HDAC9: variants seen among roughly 807,000 people sequenced by gnomAD.
HDAC9 encodes MEF-2 interacting transcription repressor (MITR) protein.
Under a neutral mutation model 139.4 loss-of-function variants are expected in HDAC9, and 41 were observed. That is an observed-to-expected ratio of 0.29 (90% CI 0.23 to 0.38). The LOEUF is 0.38. Among genes scored for constraint, HDAC9 ranks in the 10% least tolerant of loss-of-function variants. The pLI is 1.00. For missense variants in HDAC9, 1,147 were observed against 1,297.0 expected (o/e 0.88, Z 1.78); for synonymous variants, 517 against 476.2 (o/e 1.09, Z -1.12).
intron 17 of HDAC9, among the ~76,000 whole-genome samples, chr7:18,813,271 T>A (rs931918247): frequency 1.3e-5 from 2 of 152,080 alleles, no homozygotes; most frequent in African/African-American, 2.4e-5. Flanking sequence ...TTCTTTGGAG[T>A]TTAATTCTTT....
At chr7:18,330,583 T>C (rs1800842818) in intron 1 of HDAC9, among the ~76,000 whole-genome samples, 1 of 151,504 alleles carries the variant, frequency 6.6e-6, no homozygotes, top group African/African-American at 2.4e-5. Context: ...ATTTTATATT[T>C]CTATACCTCA....
At chr7:18,260,297 A>G (rs1795565260) in intron 2 of HDAC9, among the ~76,000 whole-genome samples, 1 of 147,058 alleles carries the variant, frequency 6.8e-6, no homozygotes, top group African/African-American at 2.5e-5. Flanking sequence ...ATTCTGTGAC[A>G]GACACTTTTT....
At chr7:18,475,530 G>C (rs544083961) in intron 1 of HDAC9, among the ~76,000 whole-genome samples, 16 of 152,288 alleles carry the variant, frequency 1.1e-4, no homozygotes, top group African/African-American at 3.6e-4. Flanking sequence ...GGCAAAGGTG[G>C]CAATTGGACA....
chr7:18,628,246 G>T (rs1297700408), intron 6 of HDAC9, among the ~76,000 whole-genome samples: 1 of 152,096 alleles, frequency 6.6e-6, no homozygotes, highest in Non-Finnish European at 1.5e-5. Flanking sequence ...GACTACCTGG[G>T]TACAGAGCCT....
In HDAC9 at chr7:18,736,411, A is replaced by T. The variant is rs1044561207; in HGVS notation, c.1909+8654A>T. Among the ~76,000 whole-genome samples the T allele has an allele frequency of 9.2e-5, 14 of 152,196 alleles. No individual in the cohort carries two copies. The East Asian group carries it at 2.5e-3, about 27-fold the overall frequency. The stretch of plus-strand genomic sequence containing the variant: ...CTTATTATTTTGAGATACATTCCAT[A>T]AATACCTGATTTATTGAGAGTTTTT... On this transcript the variant is annotated intron_variant, in intron 13 of 25. Transcript: ENST00000686413.
intron 1 of HDAC9, among the ~76,000 whole-genome samples, chr7:18,333,178 G>C (rs1269888813): frequency 6.6e-6 from 1 of 151,408 alleles, no homozygotes; most frequent in East Asian, 1.9e-4. Flanking sequence ...CTGAGTCAGA[G>C]GCAGTTTTTA....
intron 21 of HDAC9, among the ~76,000 whole-genome samples, chr7:18,838,967 C>T (rs555003587): frequency 6.6e-6 from 1 of 152,004 alleles, no homozygotes; most frequent in African/African-American, 2.4e-5. Flanking sequence ...CCAAAGATTT[C>T]ACATTTACTG....
At chr7:18,414,261 A>C (rs1370135984) in intron 1 of HDAC9, among the ~76,000 whole-genome samples, 1 of 152,268 alleles carries the variant, frequency 6.6e-6, no homozygotes, top group South Asian at 2.1e-4. Context: ...TGTATTTTGC[A>C]AAGATGTCAC....
chr7:18,329,414 G>A (rs901511013), intron 1 of HDAC9, among the ~76,000 whole-genome samples: 2 of 151,576 alleles, frequency 1.3e-5, no homozygotes, highest in African/African-American at 4.8e-5. Flanking sequence ...ATAACATATT[G>A]TACTCCATAA....
intron 25 of HDAC9, among the ~76,000 whole-genome samples, chr7:18,991,497 T>G (rs1227138028): frequency 6.6e-6 from 1 of 152,176 alleles, no homozygotes. Context: ...ATTAGCCAGG[T>G]GTGGTGGCAG....
At chr7:18,915,559 AAGAATGAC>A (rs1330069530) in intron 22 of HDAC9, among the ~76,000 whole-genome samples, 1 of 151,978 alleles carries the variant, frequency 6.6e-6, no homozygotes, top group Non-Finnish European at 1.5e-5. Context: ...GAACAAATGA[AAGAATGAC>A]AGTTTGCAAA....
At chr7:18,808,836 G>A (rs998442716) in intron 17 of HDAC9, among the ~76,000 whole-genome samples, 2 of 151,292 alleles carry the variant, frequency 1.3e-5, no homozygotes, top group African/African-American at 4.8e-5. Context: ...CCAAAGTAAT[G>A]TTAAACAAAA....
chr7:18,246,519 C>T (rs1794542198), intron 2 of HDAC9, among the ~76,000 whole-genome samples: 1 of 152,090 alleles, frequency 6.6e-6, no homozygotes, highest in African/African-American at 2.4e-5. Context: ...CCCCCATTCC[C>T]ACCTTCCTCA....
In HDAC9 at chr7:18,826,811, T is replaced by A. The variant is rs1016692600; in HGVS notation, c.2323-2350T>A. Among the ~76,000 whole-genome samples, 32 of 152,022 alleles carry A rather than the reference T, an allele frequency of 2.1e-4. 1 individual carries two copies. Among genetic ancestry groups the A allele is most frequent in the Admixed American group, 1.0e-3 (16 of 15,272 alleles). On this transcript the variant is annotated intron_variant, in intron 17 of 25. Coordinates refer to ENST00000686413, the MANE Select transcript of HDAC9 (RefSeq NM_178425.4). ...TTCTTTGTTGTCATGCTTTAACTCCTGCCTAGGATGCCCTAAATTTTTTTT... is the reference window on the plus strand; with the variant it reads ...TTCTTTGTTGTCATGCTTTAACTCCAGCCTAGGATGCCCTAAATTTTTTTT...
intron 17 of HDAC9, among the ~76,000 whole-genome samples, chr7:18,822,458 G>A (rs562356903): frequency 2.5e-4 from 38 of 152,224 alleles, no homozygotes; most frequent in Non-Finnish European, 4.7e-4. Context: ...GGGTTCAAGC[G>A]ATTCTCCTGC....
At chr7:18,535,178 C>CT (rs1419101366) in intron 2 of HDAC9, among the ~76,000 whole-genome samples, 1 of 152,062 alleles carries the variant, frequency 6.6e-6, no homozygotes, top group Non-Finnish European at 1.5e-5. Flanking sequence ...CTTCCCTCTT[C>CT]TTTTTTTGCT....
chr7:18,822,729 G>T (rs573852995), intron 17 of HDAC9, among the ~76,000 whole-genome samples: 1 of 152,244 alleles, frequency 6.6e-6, no homozygotes, highest in South Asian at 2.1e-4. Context: ...CTTTTCTTCT[G>T]TGCCAGATTG....
chr7:18,919,878 C>A (rs1215129056), intron 22 of HDAC9, among the ~76,000 whole-genome samples: 1 of 152,062 alleles, frequency 6.6e-6, no homozygotes, highest in South Asian at 2.1e-4. Context: ...GTACCAGTAC[C>A]ATGCTGTTTT....
rs528745561 is a variant in HDAC9 at position 18,398,116 on chromosome 7, A to G, written c.-41-98146A>G. Among the ~76,000 whole-genome samples the G allele has an allele frequency of 6.7e-3, 1,013 of 152,322 alleles. 13 individuals are homozygous for G. Among genetic ancestry groups the G allele is most frequent in the Non-Finnish European group, 0.012 (804 of 68,010 alleles). ...TTACAGGGTGTTATGATCCATTTCT[A>G]AACCCGAATCCTAGAAGTCATCCCT... On this transcript the variant is annotated intron_variant, in intron 1 of 3. Transcript: ENST00000413509.
Sources: gnomAD v4.1 joint callset for allele counts (sites outside exome capture counted in the v4.1 genomes callset) on GRCh38, gnomAD v4.1.1 for gene constraint, MANE v1.5 for transcripts, NCBI Gene and HGNC (gene_info 2026-07-23, HGNC 2026-07-21) for gene names.